KCNG4: variants seen among roughly 807,000 people sequenced by gnomAD.
The protein encoded by KCNG4 is potassium voltage-gated channel modifier subfamily G member 4, also known as voltage-gated potassium channel regulatory subunit KCNG4.
In KCNG4, 30 loss-of-function variants were observed where a neutral mutation model predicts 28.2. The ratio of observed to expected loss-of-function variants is 1.06; its 90% confidence interval spans 0.80 to 1.44. The LOEUF (loss-of-function observed/expected upper bound fraction) is 1.44, where lower values mean the gene tolerates loss of function less well. Among genes scored for constraint, KCNG4 ranks in the 40% most tolerant of loss-of-function variants. The pLI is 0.00. For synonymous variants in KCNG4, 375 were observed against 315.5 expected (o/e 1.19, Z -2.00); for missense variants, 879 against 712.3 (o/e 1.23, Z -2.66).
rs2151335038 is a variant in KCNG4 at position 84,220,558 on chromosome 16, T to A, written c.*1659A>T. 1 of 152,362 alleles carries A rather than the reference T, an allele frequency of 6.6e-6. No homozygotes were observed. Among genetic ancestry groups the A allele is most frequent in the East Asian group, 1.9e-4 (1 of 5,184 alleles). 9.4% of individuals were successfully genotyped at this position (152,362 alleles called of 1,614,324 possible). On this transcript the variant is annotated 3_prime_UTR_variant, in exon 3 of 3. Transcript: ENST00000308251. The stretch of plus-strand genomic sequence containing the variant: ...ACAGCAAGGAACTTGTTACCAGTGG[T>A]AAAATGCTGACCACTCTCATACGTA...
At position 84,226,336 on chromosome 16, in the gene KCNG4, G is replaced by T. The variant is rs1904696861; in HGVS notation, c.757-3316C>A. On this transcript the variant is annotated intron_variant, in intron 2 of 2. Transcript: ENST00000308251. This position sits in a 1 kb window ranked among gnomAD's most constrained non-coding sequence, Gnocchi z 4.1. ...TAGGGTGCACAAAGTGATCAGAACA[G>T]TGGCTGCCTCTGGGTAGTGTAGGGA... Among the ~76,000 whole-genome samples, 1 of 152,234 alleles carries T rather than the reference G, an allele frequency of 6.6e-6. No homozygotes were observed. Among genetic ancestry groups the T allele is most frequent in the Non-Finnish European group, 1.5e-5 (1 of 68,042 alleles).
chr16:84,229,502 C>T (rs1189995122), intron 2 of KCNG4, among the ~76,000 whole-genome samples: 1 of 152,232 alleles, frequency 6.6e-6, no homozygotes, highest in South Asian at 2.1e-4. Flanking sequence ...CTCTGAATCT[C>T]ACAGCGGTTC....
In KCNG4 at chr16:84,230,753, G is replaced by A. The variant is rs77997929; in HGVS notation, c.756+5977C>T. 2.0e-3 allele frequency among the ~76,000 whole-genome samples: 305 copies of A among 152,312 alleles called. 4 individuals are homozygous for A. In the East Asian group the frequency reaches 0.049, roughly 25 times the overall value. Reference sequence around the variant, plus strand: ...GACATCACCAAGGGCACCTTACTTGGTTGCCATAGGGTGTGCATGTCCCTC... The same window carrying A: ...GACATCACCAAGGGCACCTTACTTGATTGCCATAGGGTGTGCATGTCCCTC... On this transcript the variant is annotated intron_variant, in intron 2 of 2. Coordinates refer to ENST00000308251, the MANE Select transcript of KCNG4 (RefSeq NM_172347.3).
At chr16:84,239,166 T>C (rs1008760852) in intron 1 of KCNG4, among the ~76,000 whole-genome samples, 3 of 152,024 alleles carry the variant, frequency 2.0e-5, no homozygotes, top group Non-Finnish European at 4.4e-5. Flanking sequence ...TCAGAGCCGG[T>C]TGGATTCCGG....
In KCNG4 at chr16:84,222,827, G is replaced by A. The variant is rs780766717; in HGVS notation, c.950C>T (p.Pro317Leu). Residue 317 changes from proline (P) to leucine (L), a missense_variant, in exon 3 of 3, where the codon CCG becomes CTG. Pro to Leu is a moderately conservative substitution (Grantham distance 98). Transcript: ENST00000308251. ...YVSLAVSEEPPEDGERPSGSS... is the reference protein window; with the variant it reads ...YVSLAVSEEPLEDGERPSGSS... ...CCCGCTCGGCCTCTCGCCGTCCTCC[G>A]GGGGCTCCTCAGACACCGCCAGCGA... The A allele has an allele frequency of 7.3e-5, 118 of 1,609,580 alleles. No homozygotes were observed. The highest frequency in any genetic ancestry group is 2.3e-4 in the South Asian group (21 of 90,842).
intron 2 of KCNG4, among the ~76,000 whole-genome samples, chr16:84,231,063 T>C (rs191634507): frequency 2.6e-4 from 40 of 152,220 alleles, no homozygotes; most frequent in South Asian, 1.7e-3. Context: ...GGATGGAGGC[T>C]GGTGAGCAGA....
Position 84,222,081 on chromosome 16 carries a change from C to G in KCNG4, c.*136G>C. On this transcript the variant is annotated 3_prime_UTR_variant, in exon 3 of 3. Transcript: ENST00000308251. ...GATCACAGACACACAGCCTCTGTGG[C>G]CTTATGCCCCTCCAGCTTTGAAAGT... The G allele has an allele frequency of 1.0e-6, 1 of 953,508 alleles. No individual in the cohort carries two copies. The highest frequency in any genetic ancestry group is 1.6e-6 in the Non-Finnish European group (1 of 619,994). The allele number at this position is 953,508 out of a possible 1,614,324, so 59.1% of individuals were successfully genotyped here.
At position 84,220,578 on chromosome 16, in the gene KCNG4, T is replaced by C. The variant is rs960403643; in HGVS notation, c.*1639A>G. 3 of 152,250 alleles carry C rather than the reference T, an allele frequency of 2.0e-5. No individual in the cohort carries two copies. Among genetic ancestry groups the C allele is most frequent in the Non-Finnish European group, 4.4e-5 (3 of 68,042 alleles). 9.4% of individuals were successfully genotyped at this position (152,250 alleles called of 1,614,324 possible). A position where few individuals can be genotyped will look rare whatever the true frequency, so the allele number is the denominator to read the frequency against. Reference sequence around the variant, plus strand: ...AGTGGTAAAATGCTGACCACTCTCATACGTACACGATATCAGATTGGCAGG... The same window carrying C: ...AGTGGTAAAATGCTGACCACTCTCACACGTACACGATATCAGATTGGCAGG... On this transcript the variant is annotated 3_prime_UTR_variant, in exon 3 of 3. Coordinates refer to ENST00000308251, the MANE Select transcript of KCNG4 (RefSeq NM_172347.3).
At chr16:84,232,437 G>A (rs947418540) in intron 2 of KCNG4, among the ~76,000 whole-genome samples, 2 of 152,186 alleles carry the variant, frequency 1.3e-5, no homozygotes, top group Admixed American at 1.3e-4. Flanking sequence ...AGAGGAAGGA[G>A]GAGAGACTGC....
At chr16:84,235,123 G>T (rs977164124) in intron 2 of KCNG4, among the ~76,000 whole-genome samples, 30 of 152,242 alleles carry the variant, frequency 2.0e-4, no homozygotes, top group African/African-American at 6.7e-4. Flanking sequence ...CCTCTAATTT[G>T]ATTTCCTGAG....
intron 2 of KCNG4, among the ~76,000 whole-genome samples, chr16:84,231,909 C>A: frequency 6.7e-6 from 1 of 149,988 alleles, no homozygotes; most frequent in African/African-American, 2.5e-5. Context: ...GAGGCTGAGG[C>A]AGGAGAATTG....
chr16:84,237,415 C>T lies in KCNG4; in HGVS notation c.71G>A (p.Ser24Asn). ...HHHYGSHSPW[S>N]QLLSSPMETP... is the part of the protein sequence containing the mutation. ...CTCCATGGGGCTGGACAGGAGCTGA[C>T]TCCAAGGGCTGTGGGAACCATAGTG... The change falls in exon 2 of 3, where the codon AGT becomes AAT. Residue 24 changes from serine to asparagine, a missense_variant. Ser to Asn is a conservative substitution (Grantham distance 46). Coordinates refer to ENST00000308251, the MANE Select transcript of KCNG4 (RefSeq NM_172347.3). 1 of 1,518,646 alleles carries T rather than the reference C, an allele frequency of 6.6e-7. No individual in the cohort carries two copies. 94.1% of individuals were successfully genotyped at this position (1,518,646 alleles called of 1,614,324 possible). A position where few individuals can be genotyped will look rare whatever the true frequency, so the allele number is the denominator to read the frequency against.
chr16:84,234,806 C>G (rs772002652), intron 2 of KCNG4, among the ~76,000 whole-genome samples: 1 of 152,166 alleles, frequency 6.6e-6, no homozygotes, highest in Admixed American at 6.5e-5. Context: ...ATACAAAGCA[C>G]GTGTGTCCAG....
At chr16:84,224,082 C>T (rs1904640929) in intron 2 of KCNG4, among the ~76,000 whole-genome samples, 1 of 152,292 alleles carries the variant, frequency 6.6e-6, no homozygotes, top group African/African-American at 2.4e-5. Context: ...CCAAAAGCAT[C>T]AGCCTCCCCG....
intron 2 of KCNG4, among the ~76,000 whole-genome samples, chr16:84,233,806 A>G (rs1207418457): frequency 1.3e-5 from 2 of 152,176 alleles, no homozygotes; most frequent in African/African-American, 4.8e-5. Context: ...AAAGGAAAGG[A>G]AAGAAAGATG....
intron 2 of KCNG4, among the ~76,000 whole-genome samples, chr16:84,229,898 G>T (rs145687092): frequency 1.8e-3 from 275 of 152,338 alleles, no homozygotes; most frequent in African/African-American, 6.4e-3. Flanking sequence ...ATTACCAAAT[G>T]CCACCAAGCA....
chr16:84,238,826 C>A (rs1157708190), intron 1 of KCNG4, among the ~76,000 whole-genome samples: 1 of 152,074 alleles, frequency 6.6e-6, no homozygotes, highest in African/African-American at 2.4e-5. Context: ...CGAGATTGCG[C>A]CATTGCACTC....
At position 84,220,604 on chromosome 16, in the gene KCNG4, G is replaced by A. The variant is rs7206413; in HGVS notation, c.*1613C>T. On this transcript the variant is annotated 3_prime_UTR_variant, in exon 3 of 3. Transcript: ENST00000308251. ...ACGTACACGATATCAGATTGGCAGGGCCGAAACCACTTCACTGTCACCTGT... is the reference window on the plus strand; with the variant it reads ...ACGTACACGATATCAGATTGGCAGGACCGAAACCACTTCACTGTCACCTGT... 0.084 allele frequency: 12,834 copies of A among 152,288 alleles called. 1,359 individuals carry two copies. The highest frequency in any genetic ancestry group is 0.32 in the East Asian group (1,644 of 5,172). The allele number at this position is 152,288 out of a possible 1,614,324, so 9.4% of individuals were successfully genotyped here.
intron 2 of KCNG4, among the ~76,000 whole-genome samples, chr16:84,234,547 G>A (rs1206244623): frequency 6.6e-6 from 1 of 152,176 alleles, no homozygotes; most frequent in Non-Finnish European, 1.5e-5. Flanking sequence ...AACGGACGTT[G>A]CTATGAGAAG....
Sources: allele counts gnomAD v4.1 joint callset (sites outside exome capture counted in the v4.1 genomes callset), GRCh38; gene constraint gnomAD v4.1.1; non-coding constraint Gnocchi (gnomAD v3.1); transcripts MANE v1.5; gene names NCBI Gene and HGNC (gene_info 2026-07-23, HGNC 2026-07-21).